The following XIRP2 variants were observed in gnomAD, a reference collection of about 807,000 sequenced individuals.
The protein encoded by XIRP2 is xin actin binding repeat containing 2.
In XIRP2, 236 loss-of-function variants were observed where a neutral mutation model predicts 277.0. That is an observed-to-expected ratio of 0.85 (90% confidence interval 0.77 to 0.95). The LOEUF (loss-of-function observed/expected upper bound fraction) is 0.95. Among genes scored for constraint, XIRP2 ranks in the 40% least tolerant of loss-of-function variants. The pLI, the probability that XIRP2 is intolerant of heterozygous loss-of-function variation, is 0.00. For missense variants in XIRP2, 4,640 were observed against 4,157.5 expected (o/e 1.12, Z -3.19); for synonymous variants, 1,490 against 1,416.5 (o/e 1.05, Z -1.17).
At chr2:167,139,537 A>T (rs1691651131) in intron 3 of XIRP2, among the ~76,000 whole-genome samples, 1 of 152,152 alleles carries the variant, frequency 6.6e-6, no homozygotes, top group Non-Finnish European at 1.5e-5. Flanking sequence ...CTTTATTCTT[A>T]TAATGGCCAT....
chr2:167,002,187 A>G (rs142052257), intron 2 of XIRP2, among the ~76,000 whole-genome samples: 45 of 152,210 alleles, frequency 3.0e-4, no homozygotes, highest in African/African-American at 1.0e-3. Flanking sequence ...ATTTTCCTGC[A>G]ATTTTAAAAT....
intron 2 of XIRP2, among the ~76,000 whole-genome samples, chr2:166,941,863 A>C (rs577115126): frequency 1.3e-5 from 2 of 152,322 alleles, no homozygotes; most frequent in African/African-American, 4.8e-5. Context: ...ATATTTTTAC[A>C]TTTTCATACA....
intron 3 of XIRP2, among the ~76,000 whole-genome samples, chr2:167,203,052 A>AAGG (rs1248566759): frequency 6.6e-6 from 1 of 152,150 alleles, no homozygotes; most frequent in Non-Finnish European, 1.5e-5. Flanking sequence ...TTTCACTTAC[A>AAGG]AGGACCCTTG....
chr2:167,248,838 T>C lies in XIRP2; in HGVS notation c.7446T>C (p.Ile2482=). Residue 2482 remains isoleucine, a synonymous_variant, in exon 9 of 11, where the codon ATT becomes ATC. Transcript: ENST00000409195. Reference sequence around the variant, plus strand: ...ACACGGAGACAAAGCAGAACGTTATTAGTAAGAGTCTTGATGAAAGAAAAC... The same window carrying C: ...ACACGGAGACAAAGCAGAACGTTATCAGTAAGAGTCTTGATGAAAGAAAAC... ...SEHTETKQNV[I]SKSLDERKQL... is the part of the protein sequence containing the mutation. 1 of 1,613,612 alleles carries C rather than the reference T, an allele frequency of 6.2e-7. No homozygotes were observed. The highest frequency in any genetic ancestry group is 8.5e-7 in the Non-Finnish European group (1 of 1,179,778).
chr2:167,089,678 G>A (rs138905221), intron 2 of XIRP2, among the ~76,000 whole-genome samples: 3 of 152,192 alleles, frequency 2.0e-5, no homozygotes, highest in Admixed American at 2.0e-4. Flanking sequence ...AAACATATGT[G>A]TGCGTGTATT....
chr2:166,949,249 G>A (rs1448213766), intron 2 of XIRP2, among the ~76,000 whole-genome samples: 1 of 151,884 alleles, frequency 6.6e-6, no homozygotes, highest in African/African-American at 2.4e-5. Flanking sequence ...ATTAGCCCTG[G>A]AGCAAACTGC....
At chr2:166,893,910 C>G (rs1290318771) in intron 1 of XIRP2, among the ~76,000 whole-genome samples, 1 of 152,100 alleles carries the variant, frequency 6.6e-6, no homozygotes, top group Non-Finnish European at 1.5e-5. Flanking sequence ...TACAAGAAAT[C>G]TTAGTAAATC....
chr2:167,212,862 C>T (rs943240550), intron 4 of XIRP2, among the ~76,000 whole-genome samples: 1 of 151,716 alleles, frequency 6.6e-6, no homozygotes, highest in Non-Finnish European at 1.5e-5. Flanking sequence ...TTTATTTAAT[C>T]ATGTGCATGA....
At chr2:167,148,007 A>C (rs1472875493) in intron 3 of XIRP2, among the ~76,000 whole-genome samples, 1 of 152,188 alleles carries the variant, frequency 6.6e-6, no homozygotes, top group African/African-American at 2.4e-5. Context: ...TTTTAGGAGT[A>C]AAAAATTAAA....
At chr2:167,062,552 C>T (rs1689197717) in intron 2 of XIRP2, among the ~76,000 whole-genome samples, 1 of 152,042 alleles carries the variant, frequency 6.6e-6, no homozygotes, top group South Asian at 2.1e-4. Flanking sequence ...ATTATTCTCC[C>T]CTCTTCTGTT....
chr2:167,233,934 G>A (rs1694828736), intron 5 of XIRP2, among the ~76,000 whole-genome samples: 1 of 151,510 alleles, frequency 6.6e-6, no homozygotes, highest in African/African-American at 2.4e-5. Flanking sequence ...CTTTATGTAA[G>A]CTGCATTTTT....
At position 166,941,648 on chromosome 2, in the gene XIRP2, T is replaced by A. The variant is rs375929618; in HGVS notation, c.408+37758T>A. 4.6e-5 allele frequency among the ~76,000 whole-genome samples: 7 copies of A among 152,358 alleles called. No individual in the cohort carries two copies. In the East Asian group the frequency reaches 1.3e-3, roughly 29 times the overall value. On this transcript the variant is annotated intron_variant, in intron 2 of 10. Coordinates refer to ENST00000409195, the MANE Select transcript of XIRP2 (RefSeq NM_152381.6). Reference sequence around the variant, plus strand: ...TTTTATGTCTAAGTGTTGAATATTATAATATTTTAATGATTTCTCTATATT... The same window carrying A: ...TTTTATGTCTAAGTGTTGAATATTAAAATATTTTAATGATTTCTCTATATT...
intron 5 of XIRP2, among the ~76,000 whole-genome samples, chr2:167,234,654 C>A (rs1178265790): frequency 6.6e-6 from 1 of 151,756 alleles, no homozygotes. Flanking sequence ...ATCCAACTAG[C>A]ATACTCTCAT....
chr2:167,246,249 TGAAA>T lies in XIRP2; in HGVS notation c.4860_4863del (p.Glu1622PhefsTer2), dbSNP rs1695258570. On this transcript the variant is annotated frameshift_variant, in exon 9 of 11. Coordinates refer to ENST00000409195, the MANE Select transcript of XIRP2 (RefSeq NM_152381.6). LOFTEE classifies it high-confidence loss of function. ...ACCTACTTTCCAAAAGGGACTGTACTGAAAGAGAGATTTTGATTAGTGAAGAAGA... is the reference window on the plus strand; with the variant it reads ...ACCTACTTTCCAAAAGGGACTGTACTGAGAGATTTTGATTAGTGAAGAAGA... 1 of 1,613,492 alleles carries T rather than the reference TGAAA, an allele frequency of 6.2e-7. No individual in the cohort carries two copies. Among genetic ancestry groups the T allele is most frequent in the Admixed American group, 1.7e-5 (1 of 59,968 alleles).
chr2:167,078,618 C>T (rs988710696), intron 2 of XIRP2, among the ~76,000 whole-genome samples: 5 of 151,896 alleles, frequency 3.3e-5, no homozygotes, highest in African/African-American at 1.2e-4. Flanking sequence ...GGGCAGAACA[C>T]GAGGTCAGGA....
Position 167,243,277 on chromosome 2 carries a change from CT to C in XIRP2, c.1887del (p.Ala631LeufsTer7). 2 of 1,613,658 alleles carry C rather than the reference CT, an allele frequency of 1.2e-6. No homozygotes were observed. Among genetic ancestry groups the C allele is most frequent in the Non-Finnish European group, 1.7e-6 (2 of 1,179,802 alleles). The part of the protein sequence containing the change: ...WMFETQPIDT[L>X]GAYSSDTVEN... ...GTTTGAAACCCAACCCATCGACACA[CT>C]TGGGGCTTATTCTTCTGACACTGTA... On this transcript the variant is annotated frameshift_variant, in exon 9 of 11. Coordinates refer to ENST00000409195, the MANE Select transcript of XIRP2 (RefSeq NM_152381.6). LOFTEE classifies it high-confidence loss of function.
intron 5 of XIRP2, among the ~76,000 whole-genome samples, chr2:167,228,230 C>T (rs1694661687): frequency 6.6e-6 from 1 of 152,122 alleles, no homozygotes; most frequent in African/African-American, 2.4e-5. Flanking sequence ...AATGAAGCCG[C>T]TGGTAGTTGC....
intron 2 of XIRP2, among the ~76,000 whole-genome samples, chr2:166,940,954 C>G (rs779836590): frequency 7.9e-5 from 12 of 152,136 alleles, no homozygotes; most frequent in Admixed American, 2.0e-4. Context: ...GCTGGGAGAA[C>G]CACTACTCTC....
At chr2:167,225,804 T>A (rs1033456703) in intron 5 of XIRP2, among the ~76,000 whole-genome samples, 2 of 152,216 alleles carry the variant, frequency 1.3e-5, no homozygotes, top group Non-Finnish European at 2.9e-5. Context: ...CACTGAATTT[T>A]TCCTTCCAAA....
Sources: gnomAD v4.1 joint callset for allele counts (sites outside exome capture counted in the v4.1 genomes callset) on GRCh38, gnomAD v4.1.1 for gene constraint, MANE v1.5 for transcripts, NCBI Gene and HGNC (gene_info 2026-07-23, HGNC 2026-07-21) for gene names.